The following NFAM1 variants were observed in gnomAD, a reference collection of about 807,000 sequenced individuals.
NFAM1 encodes the protein NFAT activating protein with ITAM motif 1, also known as NFAT activation molecule 1.
In NFAM1, 17 loss-of-function variants were observed where a neutral mutation model predicts 29.0. The observed-to-expected ratio is 0.59, with a 90% confidence interval of 0.40 to 0.88. The LOEUF is 0.88. Among genes scored for constraint, NFAM1 ranks in the 40% least tolerant of loss-of-function variants. The pLI, the probability that NFAM1 is intolerant of heterozygous loss-of-function variation, is 0.00. For synonymous variants in NFAM1, 175 were observed against 147.2 expected, an observed-to-expected ratio of 1.19 and a Z score of -1.36; for missense variants, 324 against 344.6, an observed-to-expected ratio of 0.94 and a Z score of 0.47.
At chr22:42,431,775 T>TC (rs34684252) in intron 1 of NFAM1, among the ~76,000 whole-genome samples, 15,861 of 146,728 alleles carry the variant, frequency 0.11, 1,090 homozygotes, top group South Asian at 0.27. Context: ...GGCCCTGGTA[T>TC]CCCCCCCTCC....
intron 1 of NFAM1, among the ~76,000 whole-genome samples, chr22:42,430,160 G>A (rs948134912): frequency 1.3e-5 from 2 of 152,288 alleles, no homozygotes; most frequent in East Asian, 1.9e-4. Context: ...TTATTCGGGA[G>A]GCTGAGGTGG....
At chr22:42,429,611 G>A (rs146291060) in intron 1 of NFAM1, among the ~76,000 whole-genome samples, 111 of 152,146 alleles carry the variant, frequency 7.3e-4, no homozygotes, top group Middle Eastern at 3.4e-3. Context: ...GCGAGACTCC[G>A]TCTCAAAATA....
chr22:42,406,170 C>T (rs140457779), intron 3 of NFAM1, among the ~76,000 whole-genome samples: 10 of 125,182 alleles, frequency 8.0e-5, no homozygotes, highest in African/African-American at 2.5e-4. Context: ...CAAATACCCC[C>T]CGGCTCGCGC....
In NFAM1 at chr22:42,396,221, G is replaced by T. The variant is rs865913602; in HGVS notation, c.663+1637C>A. 2.6e-5 allele frequency among the ~76,000 whole-genome samples: 4 copies of T among 152,268 alleles called. 1 individual carries two copies. The South Asian group carries it at 8.3e-4, about 32-fold the overall frequency. On this transcript the variant is annotated intron_variant, in intron 4 of 5. Coordinates refer to ENST00000329021, the MANE Select transcript of NFAM1 (RefSeq NM_145912.8). ...AGAGAAGTCGGCCTGCATCCTAGAG[G>T]CTGTGAAACCCAGGCAAAAAGAAGC...
upstream of NFAM1, among the ~76,000 whole-genome samples, chr22:42,435,606 CA>C (rs955111303): frequency 4.6e-4 from 70 of 152,136 alleles, 1 homozygote; most frequent in African/African-American, 1.7e-3. Flanking sequence ...CTCAGCCTCC[CA>C]AAGTGCTGCG....
chr22:42,431,428 GC>G (rs1345151240), intron 1 of NFAM1, among the ~76,000 whole-genome samples: 1 of 152,184 alleles, frequency 6.6e-6, no homozygotes, highest in African/African-American at 2.4e-5. Flanking sequence ...CACCCCTTTG[GC>G]CAGAGGGAGG....
upstream of NFAM1, among the ~76,000 whole-genome samples, chr22:42,435,960 C>T (rs1323461730): frequency 2.0e-5 from 3 of 151,872 alleles, no homozygotes; most frequent in African/African-American, 7.3e-5. Context: ...GTTGGGATTA[C>T]AGGCGCCTGC....
rs141707078 is a variant in NFAM1, at chr22:42,387,058, G to A, written c.684C>T (p.Thr228=). 282 of 1,586,580 alleles carry A rather than the reference G, an allele frequency of 1.8e-4. 3 individuals are homozygous for A. In the African/African-American group the frequency reaches 3.1e-3, roughly 18 times the overall value. The change falls in exon 5 of 6, where the codon ACC becomes ACT. Residue 228 remains threonine, a synonymous_variant. Coordinates refer to ENST00000329021, the MANE Select transcript of NFAM1 (RefSeq NM_145912.8). Reference sequence around the variant, plus strand: ...CATTCTCGATGCAGGCATAGACCTCGGTCTCGCGGCGCTGCAGAGCCTACA... The same window carrying A: ...CATTCTCGATGCAGGCATAGACCTCAGTCTCGCGGCGCTGCAGAGCCTACA... The part of the protein sequence containing the change: ...SVYTALQRRE[T]EVYACIENED...
rs548955023 is a variant in NFAM1, at chr22:42,388,969, TG to T, written c.664-1892del. The stretch of plus-strand genomic sequence containing the variant: ...TGTCCGGAGCACCAGCCACCCCAGC[TG>T]GTCTGGCACCCAGGATGGGAATGTT... On this transcript the variant is annotated intron_variant, in intron 4 of 5. Coordinates refer to ENST00000329021, the MANE Select transcript of NFAM1 (RefSeq NM_145912.8). This position sits in a 1 kb window ranked among gnomAD's most constrained non-coding sequence, Gnocchi z 4.1. Among the ~76,000 whole-genome samples the T allele has an allele frequency of 6.2e-4, 95 of 152,332 alleles. No homozygotes were observed. The highest frequency in any genetic ancestry group is 2.3e-3 in the African/African-American group (94 of 41,580).
intron 1 of NFAM1, among the ~76,000 whole-genome samples, chr22:42,426,934 G>A (rs1010470348): frequency 2.0e-5 from 3 of 152,146 alleles, no homozygotes; most frequent in African/African-American, 7.2e-5. Flanking sequence ...TCATGGTACT[G>A]GATGTACCTT....
At chr22:42,397,574 C>T (rs1467614242) in intron 4 of NFAM1, among the ~76,000 whole-genome samples, 1 of 152,210 alleles carries the variant, frequency 6.6e-6, no homozygotes, top group East Asian at 1.9e-4. Context: ...TGTGCCGTCA[C>T]TACCCCTTGT....
intron 4 of NFAM1, among the ~76,000 whole-genome samples, chr22:42,390,042 A>G (rs1929281351): frequency 6.6e-6 from 1 of 152,214 alleles, no homozygotes; most frequent in East Asian, 1.9e-4. Flanking sequence ...GTCGTGTGTT[A>G]GAAAGGTCCC....
At chr22:42,399,576 G>C (rs1295820256) in intron 3 of NFAM1, among the ~76,000 whole-genome samples, 1 of 152,152 alleles carries the variant, frequency 6.6e-6, no homozygotes, top group African/African-American at 2.4e-5. Context: ...AAGAGCATAG[G>C]AAACATCTGA....
chr22:42,402,544 T>C (rs978050067), intron 3 of NFAM1, among the ~76,000 whole-genome samples: 1 of 152,130 alleles, frequency 6.6e-6, no homozygotes, highest in South Asian at 2.1e-4. Context: ...CAAAGCTGCC[T>C]ATGGGGTGGG....
chr22:42,424,892 C>CCTTT (rs200302094), intron 1 of NFAM1, among the ~76,000 whole-genome samples: 8 of 145,730 alleles, frequency 5.5e-5, no homozygotes, highest in African/African-American at 1.6e-4. Context: ...CTCTTTCTTT[C>CCTTT]CTTTCTTTCT....
At chr22:42,435,432 C>T (rs1017975106), upstream of NFAM1, among the ~76,000 whole-genome samples, 3 of 151,122 alleles carry the variant, frequency 2.0e-5, no homozygotes, top group Non-Finnish European at 4.4e-5. Flanking sequence ...ACCGTAAACT[C>T]TGCCTCCCGG....
intron 5 of NFAM1, 82 bp from the exon 6 acceptor site, chr22:42,385,302 T>C: frequency 9.8e-7 from 1 of 1,019,370 alleles, no homozygotes; most frequent in Non-Finnish European, 1.6e-6. Flanking sequence ...AATTTAGTTT[T>C]AGCCAGAGGG....
At position 42,417,563 on chromosome 22, in the gene NFAM1, G is replaced by A. The variant is rs1013199771; in HGVS notation, c.122-5827C>T. Among the ~76,000 whole-genome samples, 7 of 152,148 alleles carry A rather than the reference G, an allele frequency of 4.6e-5. No homozygotes were observed. The South Asian group carries it at 6.2e-4, about 13-fold the overall frequency. On this transcript the variant is annotated intron_variant, in intron 1 of 5. Coordinates refer to ENST00000329021, the MANE Select transcript of NFAM1 (RefSeq NM_145912.8). Reference sequence around the variant, plus strand: ...ATTTGAGATTTGCCCTGTGGAGAGCGGGGCCTGGAGGTGGCTGCAAGGAGC... The same window carrying A: ...ATTTGAGATTTGCCCTGTGGAGAGCAGGGCCTGGAGGTGGCTGCAAGGAGC...
intron 4 of NFAM1, among the ~76,000 whole-genome samples, chr22:42,392,568 C>CCAA (rs1929381433): frequency 6.6e-6 from 1 of 151,980 alleles, no homozygotes; most frequent in African/African-American, 2.4e-5. Context: ...GAGGGGGATG[C>CCAA]GGGCTCAAGG....
Sources: gnomAD v4.1 joint callset for allele counts (sites outside exome capture counted in the v4.1 genomes callset) on GRCh38, gnomAD v4.1.1 for gene constraint, Gnocchi (gnomAD v3.1) non-coding constraint, MANE v1.5 for transcripts, NCBI Gene and HGNC (gene_info 2026-07-23, HGNC 2026-07-21) for gene names.